FRMD4A: variants seen among roughly 807,000 people sequenced by gnomAD.
The protein encoded by FRMD4A is FERM domain containing 4A.
FRMD4A carries 29 observed loss-of-function variants against 129.1 expected under a neutral mutation model. The observed-to-expected ratio is 0.22, with a 90% CI of 0.17 to 0.31. The LOEUF (loss-of-function observed/expected upper bound fraction) is 0.31. FRMD4A is among the 10% of genes least tolerant of loss of function. The pLI is 1.00. For missense variants in FRMD4A, 1,272 were observed against 1,375.8 expected (o/e 0.92, Z 1.19); for synonymous variants, 634 against 571.6 (o/e 1.11, Z -1.56).
chr10:13,921,337 C>T (rs2095071029), intron 2 of FRMD4A, among the ~76,000 whole-genome samples: 1 of 151,284 alleles, frequency 6.6e-6, no homozygotes, highest in African/African-American at 2.4e-5. Context: ...TCATGACTCA[C>T]TGAAGACTTG....
At chr10:14,185,663 TGCAGATGA>T (rs766955322) in intron 2 of FRMD4A, among the ~76,000 whole-genome samples, 39 of 152,192 alleles carry the variant, frequency 2.6e-4, no homozygotes, top group South Asian at 1.2e-3. Context: ...TTGTTAGCTG[TGCAGATGA>T]GCAGAAGAGA....
At chr10:14,189,142 G>A (rs11258933) in intron 2 of FRMD4A, among the ~76,000 whole-genome samples, 3,202 of 152,166 alleles carry the variant, frequency 0.021, 94 homozygotes, top group East Asian at 0.15. Context: ...TTAACATCTC[G>A]CGTCAGTGAT....
At chr10:14,231,411 C>T (rs570245617) in intron 2 of FRMD4A, among the ~76,000 whole-genome samples, 1 of 151,032 alleles carries the variant, frequency 6.6e-6, no homozygotes. Context: ...GGCATGACCT[C>T]GGCTCACTGA....
At chr10:14,091,505 C>A (rs1836660453) in intron 2 of FRMD4A, among the ~76,000 whole-genome samples, 1 of 152,210 alleles carries the variant, frequency 6.6e-6, no homozygotes, top group Non-Finnish European at 1.5e-5. Context: ...GTGATCTCAG[C>A]TCACTGCAAC....
intron 2 of FRMD4A, among the ~76,000 whole-genome samples, chr10:14,058,155 G>A (rs921065662): frequency 1.2e-4 from 19 of 152,276 alleles, no homozygotes; most frequent in African/African-American, 3.8e-4. Flanking sequence ...GTTGAAGGAG[G>A]TGATAGTCCC....
chr10:13,827,138 C>T (rs749720381), intron 3 of FRMD4A, among the ~76,000 whole-genome samples: 136 of 152,296 alleles, frequency 8.9e-4, no homozygotes, highest in Non-Finnish European at 8.7e-4. Flanking sequence ...TACTGCAGGG[C>T]ACAGAATTGG....
At chr10:14,217,222 G>A (rs577946787) in intron 2 of FRMD4A, among the ~76,000 whole-genome samples, 1 of 152,256 alleles carries the variant, frequency 6.6e-6, no homozygotes, top group East Asian at 1.9e-4. Context: ...CAATCCCTAG[G>A]GAGCCCATGA....
rs577364318 is a variant in FRMD4A at position 13,853,844 on chromosome 10, A to AG, written c.111+5002_111+5003insC. Among the ~76,000 whole-genome samples the AG allele has an allele frequency of 1.1e-3, 159 of 146,514 alleles. 1 individual carries two copies. Among genetic ancestry groups the AG allele is most frequent in the South Asian group, 1.7e-3 (8 of 4,668 alleles). ...AAGACTCTCTCAAAAAAAAAAAAAAAAAAAAAAAACCCAAAAAGTGGGGAT... is the reference window on the plus strand; with the variant it reads ...AAGACTCTCTCAAAAAAAAAAAAAAAGAAAAAAAAACCCAAAAAGTGGGGAT... On this transcript the variant is annotated intron_variant, in intron 3 of 24. Transcript: ENST00000357447.
At chr10:14,173,218 C>T (rs1326691914) in intron 2 of FRMD4A, among the ~76,000 whole-genome samples, 1 of 152,188 alleles carries the variant, frequency 6.6e-6, no homozygotes, top group African/African-American at 2.4e-5. Context: ...TTATTGAAAA[C>T]TTTGGATCTA....
chr10:13,803,473 A>G (rs949300501), intron 4 of FRMD4A, among the ~76,000 whole-genome samples: 1 of 152,038 alleles, frequency 6.6e-6, no homozygotes, highest in Non-Finnish European at 1.5e-5. Context: ...CTGGGACTAC[A>G]GGTGCACACC....
intron 2 of FRMD4A, among the ~76,000 whole-genome samples, chr10:14,207,921 C>T (rs1842831925): frequency 6.6e-6 from 1 of 152,040 alleles, no homozygotes; most frequent in South Asian, 2.1e-4. Flanking sequence ...AAATTGTTGG[C>T]TGGGCGCAGT....
At chr10:13,872,843 C>G (rs2094452219) in intron 2 of FRMD4A, among the ~76,000 whole-genome samples, 1 of 151,994 alleles carries the variant, frequency 6.6e-6, no homozygotes, top group African/African-American at 2.4e-5. Context: ...AAGTATCTAC[C>G]TTTTCTTTTG....
intron 2 of FRMD4A, among the ~76,000 whole-genome samples, chr10:14,037,418 A>C (rs904546701): frequency 4.6e-5 from 7 of 152,260 alleles, no homozygotes; most frequent in African/African-American, 1.7e-4. Context: ...GGGGTTTGCC[A>C]TGTTGGCCAG....
At chr10:13,926,026 T>C (rs1474966518) in intron 2 of FRMD4A, among the ~76,000 whole-genome samples, 1 of 152,134 alleles carries the variant, frequency 6.6e-6, no homozygotes, top group Non-Finnish European at 1.5e-5. Flanking sequence ...ATTTCTCCTA[T>C]TAGGCGTCTG....
chr10:13,814,985 G>C (rs571602951), intron 3 of FRMD4A, among the ~76,000 whole-genome samples: 13 of 152,190 alleles, frequency 8.5e-5, no homozygotes, highest in African/African-American at 2.4e-4. Flanking sequence ...TGGCAGAAAT[G>C]GAGGCTTGGG....
At chr10:13,868,932 G>A (rs1460732104) in intron 2 of FRMD4A, among the ~76,000 whole-genome samples, 3 of 152,180 alleles carry the variant, frequency 2.0e-5, no homozygotes, top group Non-Finnish European at 2.9e-5. Context: ...TGACAATATT[G>A]ATGTAATAGA....
chr10:13,856,819 C>T (rs565311602), intron 3 of FRMD4A, among the ~76,000 whole-genome samples: 1 of 152,230 alleles, frequency 6.6e-6, no homozygotes, highest in Admixed American at 6.5e-5. Flanking sequence ...AGCAGGCTGG[C>T]CAAGAGATAG....
chr10:13,652,154 A>C, intron 23 of FRMD4A, 180 bp from the exon 24 acceptor site: 1 of 613,684 alleles, frequency 1.6e-6, no homozygotes. Context: ...TAATTGAGTC[A>C]AAATACCTAG....
In FRMD4A at chr10:13,707,793, C is replaced by T. The variant is rs1022149443; in HGVS notation, c.760-680G>A. The T allele has an allele frequency of 3.0e-6, 3 of 985,298 alleles. No homozygotes were observed. In the African/African-American group the frequency reaches 5.2e-5, roughly 17 times the overall value. The allele number at this position is 985,298 out of a possible 1,614,324, so 61.0% of individuals were successfully genotyped here. The stretch of plus-strand genomic sequence containing the variant: ...AAGAGTTCTGTCGCCCGGAAGGACG[C>T]TGCGGCCAGAGTCTCTCCCTCAAGC... On this transcript the variant is annotated intron_variant, in intron 12 of 24. Transcript: ENST00000357447.
Sources: allele counts gnomAD v4.1 joint callset (sites outside exome capture counted in the v4.1 genomes callset), GRCh38; gene constraint gnomAD v4.1.1; transcripts MANE v1.5; gene names NCBI Gene and HGNC (gene_info 2026-07-23, HGNC 2026-07-21).